DCP1A: variants seen among roughly 807,000 people sequenced by gnomAD.
DCP1A encodes the protein mRNA-decapping enzyme 1A.
A neutral mutation model predicts 58.0 loss-of-function variants in DCP1A; 20 were observed. That is an observed-to-expected ratio of 0.34 (90% CI 0.24 to 0.50). The LOEUF is 0.50. Ranked by LOEUF, DCP1A falls within the 20% of genes least tolerant of loss-of-function variation. The pLI, the probability that DCP1A is intolerant of heterozygous loss-of-function variation, is 0.98. For synonymous variants in DCP1A, 285 were observed against 275.1 expected, an observed-to-expected ratio of 1.04 and a Z score of -0.36; for missense variants, 613 against 712.2, an observed-to-expected ratio of 0.86 and a Z score of 1.59.
chr3:53,310,008 A>G (rs1707597201), intron 5 of DCP1A, among the ~76,000 whole-genome samples: 1 of 152,226 alleles, frequency 6.6e-6, no homozygotes, highest in African/African-American at 2.4e-5. Context: ...CCATGAATTC[A>G]TGGGTCACTG....
intron 3 of DCP1A, among the ~76,000 whole-genome samples, chr3:53,321,041 G>A (rs1707949802): frequency 6.6e-6 from 1 of 152,238 alleles, no homozygotes; most frequent in South Asian, 2.1e-4. Flanking sequence ...GCCCAGTATT[G>A]CTGGCAGGAC....
intron 7 of DCP1A, 26 bp downstream of exon 7, chr3:53,292,043 G>T: frequency 6.3e-7 from 1 of 1,577,336 alleles, no homozygotes. Flanking sequence ...TACCCACTCT[G>T]CCCACCCCCA....
At chr3:53,299,613 C>G (rs1707247412) in intron 6 of DCP1A, among the ~76,000 whole-genome samples, 4 of 152,154 alleles carry the variant, frequency 2.6e-5, no homozygotes, top group Admixed American at 1.3e-4. Context: ...CAAACAATAA[C>G]AAAATACACT....
chr3:53,305,143 A>G (rs1158757722), intron 5 of DCP1A, among the ~76,000 whole-genome samples: 3 of 152,202 alleles, frequency 2.0e-5, no homozygotes, highest in African/African-American at 7.2e-5. Flanking sequence ...TCTTGCACTT[A>G]GCATAATGCC....
chr3:53,285,032 A>G lies in DCP1A; in HGVS notation c.*2548T>C, dbSNP rs1706580999. 1 of 152,184 alleles carries G rather than the reference A, an allele frequency of 6.6e-6. No homozygotes were observed. Among genetic ancestry groups the G allele is most frequent in the Non-Finnish European group, 1.5e-5 (1 of 68,084 alleles). The allele number at this position is 152,184 out of a possible 1,614,324, so 9.4% of individuals were successfully genotyped here. On this transcript the variant is annotated 3_prime_UTR_variant, in exon 10 of 10. Transcript: ENST00000610213. ...CCGCATTAACTACAACAAAAAGAAGAGCAGCACCACCCACCAGTGGTGCCC... is the reference window on the plus strand; with the variant it reads ...CCGCATTAACTACAACAAAAAGAAGGGCAGCACCACCCACCAGTGGTGCCC...
chr3:53,329,167 G>T, intron 3 of DCP1A: 2 of 392,412 alleles, frequency 5.1e-6, no homozygotes. Flanking sequence ...TGCTCCAAAT[G>T]CCAACAGCCA....
chr3:53,329,579 T>G, intron 3 of DCP1A: 1 of 384,854 alleles, frequency 2.6e-6, no homozygotes, highest in East Asian at 3.7e-5. Context: ...TAACTCCTTT[T>G]TAAGAAAATT....
At chr3:53,309,590 C>G (rs1707583801) in intron 5 of DCP1A, among the ~76,000 whole-genome samples, 1 of 152,104 alleles carries the variant, frequency 6.6e-6, no homozygotes, top group East Asian at 1.9e-4. Context: ...TAGTGAGACT[C>G]TATCTCTACA....
chr3:53,316,486 C>T (rs932124957), intron 4 of DCP1A, among the ~76,000 whole-genome samples: 6 of 151,550 alleles, frequency 4.0e-5, no homozygotes, highest in Non-Finnish European at 8.8e-5. Flanking sequence ...TGATCTTGAA[C>T]TCCTGGGGCC....
At chr3:53,296,188 C>A (rs1414835058) in intron 6 of DCP1A, among the ~76,000 whole-genome samples, 1 of 152,034 alleles carries the variant, frequency 6.6e-6, no homozygotes, top group Non-Finnish European at 1.5e-5. Flanking sequence ...AGCCACCGCG[C>A]CCGGCCCACC....
intron 3 of DCP1A, chr3:53,333,142 G>C (rs1335998532): frequency 1.3e-5 from 2 of 148,266 alleles, no homozygotes; most frequent in South Asian, 4.2e-4. Context: ...GCAGGGTTTT[G>C]GTTTTTTTTT....
At chr3:53,322,350 G>A (rs1459037118) in intron 3 of DCP1A, among the ~76,000 whole-genome samples, 2 of 151,896 alleles carry the variant, frequency 1.3e-5, no homozygotes, top group African/African-American at 2.4e-5. Context: ...TACTCGGGAG[G>A]CTGAGGCAGG....
intron 3 of DCP1A, among the ~76,000 whole-genome samples, chr3:53,340,527 T>C (rs2089187234): frequency 6.6e-6 from 1 of 152,182 alleles, no homozygotes; most frequent in African/African-American, 2.4e-5. Flanking sequence ...TGTATAATTT[T>C]TAGTAACTTT....
intron 5 of DCP1A, among the ~76,000 whole-genome samples, chr3:53,306,670 C>G (rs1707483837): frequency 1.3e-5 from 2 of 149,394 alleles, no homozygotes; most frequent in Non-Finnish European, 3.0e-5. Context: ...ACTCGGGAGG[C>G]TGAGGCAGGA....
chr3:53,318,411 C>A (rs1707873527), intron 4 of DCP1A, among the ~76,000 whole-genome samples: 1 of 151,934 alleles, frequency 6.6e-6, no homozygotes, highest in African/African-American at 2.4e-5. Flanking sequence ...TGTAAGAGAG[C>A]AAAAGGAATT....
intron 6 of DCP1A, among the ~76,000 whole-genome samples, chr3:53,293,753 A>T (rs1303461156): frequency 1.3e-5 from 2 of 152,336 alleles, no homozygotes; most frequent in Non-Finnish European, 2.9e-5. Flanking sequence ...TATAATATCA[A>T]TATTATAAGA....
At chr3:53,306,770 C>CAA (rs1169051475) in intron 5 of DCP1A, among the ~76,000 whole-genome samples, 42 of 34,468 alleles carry the variant, frequency 1.2e-3, no homozygotes, top group Middle Eastern at 0.017. Flanking sequence ...GACTCCGTCT[C>CAA]AAAAAAAAAA....
At chr3:53,329,361 T>A in intron 3 of DCP1A, 1 of 398,558 alleles carries the variant, frequency 2.5e-6, no homozygotes, top group Non-Finnish European at 4.4e-6. Flanking sequence ...AAAAGCACTA[T>A]GTATCAAGAG....
chr3:53,301,660 G>T (rs901828520), intron 6 of DCP1A, among the ~76,000 whole-genome samples: 1 of 152,166 alleles, frequency 6.6e-6, no homozygotes, highest in Non-Finnish European at 1.5e-5. Flanking sequence ...GTTCATAGGA[G>T]CTTTATTTGT....
Sources: gnomAD v4.1 joint callset for allele counts (sites outside exome capture counted in the v4.1 genomes callset) on GRCh38, gnomAD v4.1.1 for gene constraint, MANE v1.5 for transcripts, NCBI Gene and HGNC (gene_info 2026-07-23, HGNC 2026-07-21) for gene names.